LYST: variants seen among roughly 807,000 people sequenced by gnomAD.
LYST encodes lysosomal-trafficking regulator.
A neutral mutation model predicts 413.6 loss-of-function variants in LYST; 192 were observed. That is an observed-to-expected ratio of 0.46 (90% CI 0.41 to 0.52). The LOEUF (loss-of-function observed/expected upper bound fraction) is 0.52, where lower values mean the gene tolerates loss of function less well. Ranked by LOEUF, LYST falls within the 20% of genes least tolerant of loss-of-function variation. The pLI, the probability that LYST is intolerant of heterozygous loss-of-function variation, is 0.00. For synonymous variants in LYST, 1,525 were observed against 1,567.3 expected (o/e 0.97, Z 0.64); for missense variants, 3,815 against 4,499.9 (o/e 0.85, Z 4.35).
chr1:235,825,540 A>C (rs1421321339), intron 3 of LYST, among the ~76,000 whole-genome samples: 2 of 152,234 alleles, frequency 1.3e-5, no homozygotes, highest in African/African-American at 4.8e-5. Flanking sequence ...TTCTATGAGC[A>C]ACAAACAACA....
intron 1 of LYST, among the ~76,000 whole-genome samples, chr1:235,845,728 C>T (rs527874300): frequency 6.6e-6 from 1 of 152,052 alleles, no homozygotes; most frequent in African/African-American, 2.4e-5. Flanking sequence ...CCCCCACTTC[C>T]CTGACAACCT....
chr1:235,701,238 T>C (rs1661520001), intron 45 of LYST, among the ~76,000 whole-genome samples: 1 of 152,170 alleles, frequency 6.6e-6, no homozygotes, highest in South Asian at 2.1e-4. Flanking sequence ...ACTGCTCAGA[T>C]ACAACTTTAA....
At chr1:235,694,109 A>G (rs1660896102) in intron 46 of LYST, among the ~76,000 whole-genome samples, 1 of 150,494 alleles carries the variant, frequency 6.6e-6, no homozygotes, top group South Asian at 2.1e-4. Context: ...TCCTGGGTTC[A>G]GGTGATTCTC....
At chr1:235,774,815 G>T in intron 18 of LYST, 98 bp downstream of exon 18, 1 of 794,876 alleles carries the variant, frequency 1.3e-6, no homozygotes, top group Non-Finnish European at 2.1e-6. Context: ...ATTTTCTTCA[G>T]GAATAACTGA....
intron 9 of LYST, among the ~76,000 whole-genome samples, 177 bp from the exon 10 acceptor site, chr1:235,800,563 C>T (rs539260339): frequency 6.6e-6 from 1 of 152,122 alleles, no homozygotes; most frequent in South Asian, 2.1e-4. Context: ...TCTTTTTATA[C>T]TGATTGATTT....
In LYST at chr1:235,809,316, T is replaced by C; in HGVS notation, c.1502A>G (p.His501Arg). 1 of 1,614,122 alleles carries C rather than the reference T, an allele frequency of 6.2e-7. No homozygotes were observed. The highest frequency in any genetic ancestry group is 1.1e-5 in the South Asian group (1 of 91,078). Reference sequence around the variant, plus strand: ...AAAATGAGAATATTCACATCGTCTGTGCCTTTTTCTTGTACACATCGAATG... The same window carrying C: ...AAAATGAGAATATTCACATCGTCTGCGCCTTTTTCTTGTACACATCGAATG... ...LHHSMCTRKRHRRCEYSHFMH... is the reference protein window; with the variant it reads ...LHHSMCTRKRRRRCEYSHFMH... Residue 501 changes from histidine (H) to arginine (R), a missense_variant, in exon 5 of 53, where the codon CAC (histidine) becomes CGC (arginine). By Grantham distance (29) the His-to-Arg change is conservative (BLOSUM62 0). Around this residue, in one of 4 missense-constraint regions of LYST, gnomAD observed 1,648 missense variants for 1,810.3 expected, o/e 0.91. Coordinates refer to ENST00000389793, the MANE Select transcript of LYST (RefSeq NM_000081.4). This position sits in a 1 kb window ranked among gnomAD's most constrained non-coding sequence, Gnocchi z 4.0.
rs750108334 is a variant in LYST at position 235,787,211 on chromosome 1, G to A, written c.4851C>T (p.Val1617=). 14 of 1,613,302 alleles carry A rather than the reference G, an allele frequency of 8.7e-6. No homozygotes were observed. The highest frequency in any genetic ancestry group is 1.7e-5 in the Admixed American group (1 of 59,998). ...AAAATGCTTCCTACCTCTGTCCAGA[G>A]ACCCATATGGAGATTTTCCCATGAA... ...RRIHGKISIW[V]SGQRKPDVTL... The change falls in exon 14 of 53, where the codon GTC becomes GTT. Residue 1617 remains valine (V), a synonymous_variant. Transcript: ENST00000389793.
chr1:235,805,642 A>AT (rs1672749181), intron 6 of LYST, 101 bp downstream of exon 6: 2 of 405,022 alleles, frequency 4.9e-6, no homozygotes, highest in East Asian at 9.8e-5. Flanking sequence ...TATATATTAC[A>AT]TATATTATGT....
At chr1:235,855,674 C>CT (rs1679087608) in intron 1 of LYST, among the ~76,000 whole-genome samples, 1 of 151,914 alleles carries the variant, frequency 6.6e-6, no homozygotes, top group African/African-American at 2.4e-5. Context: ...TAATAATAAA[C>CT]TTTTTTCATA....
intron 9 of LYST, 40 bp from the exon 10 acceptor site, chr1:235,800,426 C>T (rs1319007152): frequency 8.9e-7 from 1 of 1,119,984 alleles, no homozygotes; most frequent in East Asian, 2.4e-5. Flanking sequence ...TTACTTACCT[C>T]ACAGAAGCAT....
At chr1:235,707,569 G>T (rs1017254826) in intron 44 of LYST, among the ~76,000 whole-genome samples, 9 of 152,138 alleles carry the variant, frequency 5.9e-5, no homozygotes, top group African/African-American at 1.7e-4. Flanking sequence ...GTTGCAGTGA[G>T]CTGAGATCAC....
intron 1 of LYST, chr1:235,839,887 C>T (rs1677028456): frequency 6.6e-6 from 1 of 151,916 alleles, no homozygotes; most frequent in African/African-American, 2.4e-5. Flanking sequence ...TTCATGTGGC[C>T]ATGTTCCCTC....
chr1:235,758,268 C>A (rs1029841981), intron 23 of LYST, among the ~76,000 whole-genome samples: 8 of 152,226 alleles, frequency 5.3e-5, no homozygotes, highest in African/African-American at 9.6e-5. Context: ...GACAGAGGAA[C>A]CTTAAGTTTC....
Position 235,806,432 on chromosome 1 carries a change from G to T in LYST, c.2704C>A (p.Leu902Ile), listed in dbSNP as rs1436076411. 2 of 1,614,000 alleles carry T rather than the reference G, an allele frequency of 1.2e-6. No homozygotes were observed. The highest frequency in any genetic ancestry group is 1.7e-6 in the Non-Finnish European group (2 of 1,179,978). The change falls in exon 6 of 53, where the codon CTC (leucine) becomes ATC (isoleucine). Residue 902 changes from leucine to isoleucine, a missense_variant. Transcript: ENST00000389793. ...DVHINTINLFLCVAFLCVSKE... is the reference protein window; with the variant it reads ...DVHINTINLFICVAFLCVSKE... The stretch of plus-strand genomic sequence containing the variant: ...CTTACGCATAAAAAAGCCACACAGA[G>T]GAATAGGTTTATTGTGTTGATATGA...
intron 23 of LYST, among the ~76,000 whole-genome samples, chr1:235,757,968 G>C (rs1198492239): frequency 6.6e-6 from 1 of 151,280 alleles, no homozygotes; most frequent in Non-Finnish European, 1.5e-5. Flanking sequence ...TCACAGAGAA[G>C]AGAGGCAAAT....
intron 1 of LYST, among the ~76,000 whole-genome samples, chr1:235,840,480 T>C (rs1049740199): frequency 6.6e-6 from 1 of 152,220 alleles, no homozygotes; most frequent in Non-Finnish European, 1.5e-5. Flanking sequence ...TGGGCTTTAA[T>C]CTATTGGCTA....
intron 45 of LYST, among the ~76,000 whole-genome samples, chr1:235,701,350 C>T (rs1661529316): frequency 6.6e-6 from 1 of 152,154 alleles, no homozygotes; most frequent in Non-Finnish European, 1.5e-5. Flanking sequence ...ACAGATTGGG[C>T]TGGGTGTGGT....
At chr1:235,760,496 A>C (rs1667481294) in intron 22 of LYST, among the ~76,000 whole-genome samples, 1 of 152,156 alleles carries the variant, frequency 6.6e-6, no homozygotes, top group Non-Finnish European at 1.5e-5. Context: ...GACACCAGAA[A>C]AATTATTTTC....
Position 235,775,081 on chromosome 1 carries a change from A to C in LYST, c.5466T>G (p.Val1822=), listed in dbSNP as rs1281108189. The change falls in exon 18 of 53, where the codon GTT becomes GTG. Residue 1822 remains valine, a synonymous_variant. Transcript: ENST00000389793. ...GIFVFLFARV[V]ELSSCEETQA... ...GAGTTTCTTCACAGCTACTGAGTTC[A>C]ACAACCTAAAAAAAAAAATGGGTGG... The C allele has an allele frequency of 9.3e-6, 15 of 1,610,122 alleles. No individual in the cohort carries two copies. Among genetic ancestry groups the C allele is most frequent in the Non-Finnish European group, 1.3e-5 (15 of 1,179,290 alleles).
Sources: allele counts gnomAD v4.1 joint callset (sites outside exome capture counted in the v4.1 genomes callset), GRCh38; gene constraint gnomAD v4.1.1; regional missense constraint gnomAD v4.1.1; non-coding constraint Gnocchi (gnomAD v3.1); transcripts MANE v1.5; gene names NCBI Gene and HGNC (gene_info 2026-07-23, HGNC 2026-07-21).